The following CCDC102B variants were observed in gnomAD, a reference collection of about 807,000 sequenced individuals.
The protein encoded by CCDC102B is coiled-coil domain containing 102B, also known as coiled-coil domain-containing protein 102B.
Under a neutral mutation model 57.4 loss-of-function variants are expected in CCDC102B, and 75 were observed. That is an observed-to-expected ratio of 1.31 (90% CI 1.08 to 1.58). The LOEUF (loss-of-function observed/expected upper bound fraction) is 1.58, where lower values mean the gene tolerates loss of function less well. CCDC102B is among the 40% of genes most tolerant of loss of function. The pLI is 0.00. For missense variants in CCDC102B, 636 were observed against 582.6 expected (o/e 1.09, Z -0.94); for synonymous variants, 206 against 201.9 (o/e 1.02, Z -0.17).
intron 1 of CCDC102B, among the ~76,000 whole-genome samples, chr18:68,826,406 T>C (rs988414941): frequency 6.6e-6 from 1 of 152,216 alleles, no homozygotes; most frequent in Non-Finnish European, 1.5e-5. Flanking sequence ...GCTTATGACA[T>C]GGCTCTTGGG....
chr18:68,958,053 T>G lies in CCDC102B; in HGVS notation c.1264-52881T>G, dbSNP rs7230512. 3.9e-5 allele frequency among the ~76,000 whole-genome samples: 6 copies of G among 152,044 alleles called. No homozygotes were observed. In the South Asian group the frequency reaches 8.3e-4, roughly 21 times the overall value. On this transcript the variant is annotated intron_variant, in intron 6 of 7. Transcript: ENST00000360242. ...CAATCATGGCAGAAGGTGAAAGGCA[T>G]GTCTCACATGCCAGCAGACAAGAGA...
At chr18:68,920,532 T>C (rs547190780) in intron 6 of CCDC102B, among the ~76,000 whole-genome samples, 5 of 152,224 alleles carry the variant, frequency 3.3e-5, no homozygotes, top group Admixed American at 3.3e-4. Flanking sequence ...TAGCTCCATA[T>C]GGCTGGGGAG....
chr18:68,939,224 A>G (rs1357567312), intron 6 of CCDC102B, among the ~76,000 whole-genome samples: 1 of 151,838 alleles, frequency 6.6e-6, no homozygotes, highest in Non-Finnish European at 1.5e-5. Context: ...TAGTTGTGAG[A>G]TAACAAAATG....
intron 1 of CCDC102B, among the ~76,000 whole-genome samples, chr18:68,811,556 A>C (rs745690481): frequency 2.6e-5 from 4 of 152,330 alleles, no homozygotes; most frequent in South Asian, 2.1e-4. Context: ...CAGAGGTTGC[A>C]GTGAGCCAAG....
intron 6 of CCDC102B, among the ~76,000 whole-genome samples, chr18:68,898,958 C>G (rs537761568): frequency 6.6e-6 from 1 of 152,036 alleles, no homozygotes; most frequent in African/African-American, 2.4e-5. Flanking sequence ...TCAGGGCACA[C>G]CGAGTCCAGA....
chr18:68,890,286 A>C (rs889539553), intron 5 of CCDC102B, among the ~76,000 whole-genome samples: 4 of 151,508 alleles, frequency 2.6e-5, no homozygotes, highest in African/African-American at 9.7e-5. Flanking sequence ...CCCAGGCTGG[A>C]GTGCAGTGGC....
chr18:68,830,693 A>G (rs1568273922), intron 1 of CCDC102B, among the ~76,000 whole-genome samples: 1 of 151,744 alleles, frequency 6.6e-6, no homozygotes, highest in Non-Finnish European at 1.5e-5. Flanking sequence ...GCTCAAATGT[A>G]TGACATAATC....
chr18:68,982,670 T>C (rs145873884), intron 6 of CCDC102B, among the ~76,000 whole-genome samples: 3,525 of 152,040 alleles, frequency 0.023, 48 homozygotes, highest in Non-Finnish European at 0.036. Context: ...ATTTTCTATC[T>C]ATAACTGAAA....
At chr18:68,722,612 TCTTTAGATGTTTAAGAATTAGAAGC>T (rs2032397686) in intron 2 of CCDC102B, among the ~76,000 whole-genome samples, 1 of 152,180 alleles carries the variant, frequency 6.6e-6, no homozygotes, top group African/African-American at 2.4e-5. Context: ...GGTGAAGAAT[TCTTTAGATGTTTAAGAATTAGAAGC>T]CTTTAGATGT....
intron 5 of CCDC102B, among the ~76,000 whole-genome samples, chr18:68,889,035 T>A (rs2039983284): frequency 6.6e-6 from 1 of 151,618 alleles, no homozygotes; most frequent in Non-Finnish European, 1.5e-5. Context: ...TCTTTGTTTT[T>A]TTTTTCTTTG....
At chr18:68,952,624 G>A (rs1168345296) in intron 6 of CCDC102B, among the ~76,000 whole-genome samples, 1 of 152,068 alleles carries the variant, frequency 6.6e-6, no homozygotes, top group Non-Finnish European at 1.5e-5. Flanking sequence ...AAAGAGAAAA[G>A]CTGTATAAAA....
rs568502689 is a variant in CCDC102B at position 68,927,429 on chromosome 18, G to A, written c.1263+30001G>A. ...ATCAGATAAATTTAGTTTCTGTCCCGTAGAGTGTAGACCTAACAGTCAATA... is the reference window on the plus strand; with the variant it reads ...ATCAGATAAATTTAGTTTCTGTCCCATAGAGTGTAGACCTAACAGTCAATA... On this transcript the variant is annotated intron_variant, in intron 6 of 7. Transcript: ENST00000360242. Among the ~76,000 whole-genome samples, 11 of 151,984 alleles carry A rather than the reference G, an allele frequency of 7.2e-5. 1 individual carries two copies. The South Asian group carries it at 8.3e-4, about 11-fold the overall frequency.
intron 6 of CCDC102B, among the ~76,000 whole-genome samples, chr18:68,980,914 T>C (rs1177739879): frequency 6.6e-6 from 1 of 151,966 alleles, no homozygotes; most frequent in Non-Finnish European, 1.5e-5. Context: ...AGAGGATTGA[T>C]GTTTTAGGAG....
intron 2 of CCDC102B, among the ~76,000 whole-genome samples, chr18:68,783,845 C>A (rs2035090790): frequency 6.6e-6 from 1 of 151,960 alleles, no homozygotes; most frequent in Non-Finnish European, 1.5e-5. Context: ...CTATACGGAG[C>A]CTATTATATT....
At chr18:68,741,741 G>T (rs982679877) in intron 2 of CCDC102B, among the ~76,000 whole-genome samples, 2 of 149,646 alleles carry the variant, frequency 1.3e-5, no homozygotes, top group South Asian at 2.1e-4. Context: ...AAGGTTTATT[G>T]CTCATATAAC....
intron 6 of CCDC102B, among the ~76,000 whole-genome samples, chr18:69,002,424 C>G (rs1323038854): frequency 6.6e-6 from 1 of 152,132 alleles, no homozygotes; most frequent in Non-Finnish European, 1.5e-5. Flanking sequence ...ACACTAGGGG[C>G]TGTATAATCA....
chr18:68,915,929 C>T (rs972148496), intron 6 of CCDC102B, among the ~76,000 whole-genome samples: 12 of 152,208 alleles, frequency 7.9e-5, no homozygotes, highest in Middle Eastern at 3.4e-3. Flanking sequence ...AATCCCTCTC[C>T]TTGTTTAGTT....
intron 6 of CCDC102B, among the ~76,000 whole-genome samples, chr18:68,936,916 T>C (rs1156678193): frequency 6.6e-6 from 1 of 151,766 alleles, no homozygotes; most frequent in Non-Finnish European, 1.5e-5. Flanking sequence ...TTACTATTAT[T>C]GACAGTTGTG....
chr18:68,782,321 T>C (rs1324226485), intron 2 of CCDC102B, among the ~76,000 whole-genome samples: 3 of 151,928 alleles, frequency 2.0e-5, no homozygotes, highest in Non-Finnish European at 4.4e-5. Flanking sequence ...AGGAATATAA[T>C]GAAATAAAAT....
Sources: gnomAD v4.1 joint callset for allele counts (sites outside exome capture counted in the v4.1 genomes callset) on GRCh38, gnomAD v4.1.1 for gene constraint, MANE v1.5 for transcripts, NCBI Gene and HGNC (gene_info 2026-07-23, HGNC 2026-07-21) for gene names.